MAGI1: variants seen among roughly 807,000 people sequenced by gnomAD.
MAGI1 encodes the protein membrane associated guanylate kinase, WW and PDZ domain containing 1.
A neutral mutation model predicts 139.9 loss-of-function variants in MAGI1; 58 were observed. The ratio of observed to expected loss-of-function variants is 0.41; its 90% confidence interval spans 0.34 to 0.52. The LOEUF is 0.52. Ranked by LOEUF, MAGI1 falls within the 20% of genes least tolerant of loss-of-function variation. The pLI is 0.12. For missense variants in MAGI1, 1,874 were observed against 1,901.6 expected (o/e 0.99, Z 0.27); for synonymous variants, 812 against 737.9 (o/e 1.10, Z -1.63).
intron 2 of MAGI1, among the ~76,000 whole-genome samples, chr3:65,621,393 T>A (rs1310191760): frequency 1.3e-5 from 2 of 152,192 alleles, no homozygotes; most frequent in Admixed American, 1.3e-4. Context: ...TTTGGTGTAA[T>A]CTAATGGTTT....
At chr3:65,401,849 C>G (rs1427409441) in intron 12 of MAGI1, 2 of 1,244,516 alleles carry the variant, frequency 1.6e-6, no homozygotes, top group African/African-American at 3.1e-5. Context: ...TCCACACGAT[C>G]CACTTGTCAA....
rs73123799 is a variant in MAGI1 at position 65,362,963 on chromosome 3, G to A, written c.3495+502C>T. Reference sequence around the variant, plus strand: ...CTACAGAGCAACTCTGAATATTCATGCCACAGAGCCCTGGCTCTTTGCTAA... The same window carrying A: ...CTACAGAGCAACTCTGAATATTCATACCACAGAGCCCTGGCTCTTTGCTAA... On this transcript the variant is annotated intron_variant, in intron 21 of 22. Transcript: ENST00000402939. 4.1e-3 allele frequency among the ~76,000 whole-genome samples: 629 copies of A among 152,254 alleles called. 6 individuals carry two copies. Among genetic ancestry groups the A allele is most frequent in the Non-Finnish European group, 6.6e-3 (451 of 68,028 alleles).
chr3:65,430,996 G>A, intron 10 of MAGI1, 115 bp from the exon 11 acceptor site: 3 of 949,794 alleles, frequency 3.2e-6, no homozygotes, highest in Non-Finnish European at 4.7e-6. Flanking sequence ...GAGCCTTTGG[G>A]CATATAGCAT....
At chr3:65,572,723 A>G (rs545485743) in intron 2 of MAGI1, among the ~76,000 whole-genome samples, 28 of 152,144 alleles carry the variant, frequency 1.8e-4, no homozygotes, top group African/African-American at 5.5e-4. Flanking sequence ...CCTTATAACA[A>G]TATTGTCCCA....
chr3:65,530,791 G>GTA (rs368893697), intron 2 of MAGI1, among the ~76,000 whole-genome samples: 2,319 of 60,668 alleles, frequency 0.038, 215 homozygotes, highest in East Asian at 0.15. Context: ...ATATATACAC[G>GTA]TATATATATA....
chr3:65,497,995 A>G (rs1408561270), intron 2 of MAGI1, among the ~76,000 whole-genome samples: 1 of 152,148 alleles, frequency 6.6e-6, no homozygotes, highest in African/African-American at 2.4e-5. Flanking sequence ...TCCTCTGAGC[A>G]GCCCGCCCTG....
intron 1 of MAGI1, among the ~76,000 whole-genome samples, chr3:65,995,584 C>A (rs902069013): frequency 6.6e-6 from 1 of 151,924 alleles, no homozygotes. Flanking sequence ...TCACGAGGCC[C>A]CAAATGGTAA....
intron 1 of MAGI1, among the ~76,000 whole-genome samples, chr3:65,696,055 G>A (rs990393420): frequency 1.3e-5 from 2 of 152,118 alleles, no homozygotes; most frequent in Non-Finnish European, 2.9e-5. Flanking sequence ...GCCAGTCACC[G>A]TCCATCTCCC....
intron 2 of MAGI1, among the ~76,000 whole-genome samples, chr3:65,536,801 G>A (rs12488357): frequency 0.25 from 37,459 of 152,030 alleles, 4,915 homozygotes; most frequent in Middle Eastern, 0.31. Context: ...TCAAGGATGG[G>A]ACTCTAACAC....
At chr3:65,509,819 G>C (rs2077488121) in intron 2 of MAGI1, among the ~76,000 whole-genome samples, 1 of 152,102 alleles carries the variant, frequency 6.6e-6, no homozygotes, top group Admixed American at 6.5e-5. Flanking sequence ...AAGGAGGCCT[G>C]CCTGCCTCTG....
chr3:65,704,954 G>A (rs1050580295), intron 1 of MAGI1, among the ~76,000 whole-genome samples: 7 of 151,778 alleles, frequency 4.6e-5, no homozygotes, highest in Admixed American at 2.0e-4. Context: ...AGACTCCTCC[G>A]CGGTTTCCTC....
chr3:65,844,104 G>T, intron 1 of MAGI1: 1 of 512,450 alleles, frequency 2.0e-6, no homozygotes, highest in East Asian at 5.4e-5. Context: ...AGGTGTGTCT[G>T]GGCCAAACAG....
chr3:66,001,931 C>G (rs1349559555), intron 1 of MAGI1, among the ~76,000 whole-genome samples: 1 of 152,314 alleles, frequency 6.6e-6, no homozygotes, highest in African/African-American at 2.4e-5. Context: ...AAGGTCCAAA[C>G]CTTCCCCTTG....
intron 1 of MAGI1, among the ~76,000 whole-genome samples, chr3:65,784,682 G>C (rs1249221074): frequency 6.6e-6 from 1 of 152,066 alleles, no homozygotes; most frequent in Non-Finnish European, 1.5e-5. Flanking sequence ...TCCAGCCTGG[G>C]CGACAGAGCG....
chr3:65,496,691 C>T (rs1400082148), intron 2 of MAGI1, among the ~76,000 whole-genome samples: 3 of 152,164 alleles, frequency 2.0e-5, no homozygotes, highest in African/African-American at 4.8e-5. Flanking sequence ...GATGGAGATG[C>T]ACCAGGATAA....
chr3:65,653,711 G>C (rs1181468021), intron 1 of MAGI1, among the ~76,000 whole-genome samples: 1 of 152,182 alleles, frequency 6.6e-6, no homozygotes, highest in Admixed American at 6.6e-5. Context: ...TCCTAAGGCA[G>C]TGAAAGGGAG....
chr3:65,642,227 C>A (rs1029132542), intron 1 of MAGI1, among the ~76,000 whole-genome samples: 3 of 152,144 alleles, frequency 2.0e-5, no homozygotes, highest in Non-Finnish European at 4.4e-5. Context: ...TAACACTGAA[C>A]CATGTGCTAC....
chr3:65,844,960 T>C (rs756654818), intron 1 of MAGI1, among the ~76,000 whole-genome samples: 13 of 152,048 alleles, frequency 8.5e-5, no homozygotes, highest in Non-Finnish European at 1.8e-4. Context: ...CCCATTGAAA[T>C]CCTTGGGCAT....
At chr3:65,596,229 T>C (rs538347132) in intron 2 of MAGI1, among the ~76,000 whole-genome samples, 5 of 152,206 alleles carry the variant, frequency 3.3e-5, no homozygotes, top group African/African-American at 7.2e-5. Flanking sequence ...AAAGACAGTA[T>C]GTCATTCCGT....
Sources: gnomAD v4.1 joint callset for allele counts (sites outside exome capture counted in the v4.1 genomes callset) on GRCh38, gnomAD v4.1.1 for gene constraint, MANE v1.5 for transcripts, NCBI Gene and HGNC (gene_info 2026-07-23, HGNC 2026-07-21) for gene names.